MOB2: variants seen among roughly 807,000 people sequenced by gnomAD.
The protein encoded by MOB2 is MOB2 Mps One Binder homolog.
MOB2 carries 14 observed loss-of-function variants against 27.4 expected under a neutral mutation model. That is an observed-to-expected ratio of 0.51 (90% CI 0.34 to 0.80). The LOEUF is 0.80. Among genes scored for constraint, MOB2 ranks in the 30% least tolerant of loss-of-function variants. The pLI, the probability that MOB2 is intolerant of heterozygous loss-of-function variation, is 0.01. For missense variants in MOB2, 304 were observed against 354.6 expected, an observed-to-expected ratio of 0.86 and a Z score of 1.15; for synonymous variants, 167 against 151.8, an observed-to-expected ratio of 1.10 and a Z score of -0.74.
Position 1,469,828 on chromosome 11 carries a change from T to G in MOB2, c.*344A>C. ...ACCCTCCCCCCACGAGTTCCTCCTT[T>G]GAGGCCAGCAGCACCCGAGGGAGGG... On this transcript the variant is annotated 3_prime_UTR_variant, in exon 5 of 5. Transcript: ENST00000329957. The G allele has an allele frequency of 1.8e-6, 1 of 555,916 alleles. No homozygotes were observed. The highest frequency in any genetic ancestry group is 3.4e-6 in the Non-Finnish European group (1 of 292,030). The allele number at this position is 555,916 out of a possible 1,614,324, so 34.4% of individuals were successfully genotyped here.
chr11:1,480,688 G>A, intron 2 of MOB2, 37 bp downstream of exon 2: 8 of 1,591,338 alleles, frequency 5.0e-6, no homozygotes, highest in South Asian at 2.3e-5. Context: ...GAGGAGCAGG[G>A]AGGAGGGAGG....
In MOB2 at chr11:1,476,587, CTAT is replaced by C. The variant is rs1847854561; in HGVS notation, c.365+3803_365+3805del. ...CACATTTTGATTTCACTCATTTCCC[CTAT>C]TGTTTTAAAAATCAATCTCAGTGCT... On this transcript the variant is annotated intron_variant, in intron 3 of 4. Coordinates refer to ENST00000329957, the MANE Select transcript of MOB2 (RefSeq NM_001172223.3). Among the ~76,000 whole-genome samples the C allele has an allele frequency of 2.6e-5, 4 of 152,232 alleles. No individual in the cohort carries two copies. The South Asian group carries it at 8.3e-4, about 31-fold the overall frequency.
chr11:1,481,206 C>A, intron 1 of MOB2: 2 of 441,250 alleles, frequency 4.5e-6, no homozygotes, highest in South Asian at 2.0e-5. Flanking sequence ...GGGTTTAGGG[C>A]CCCCAGCGCC....
At chr11:1,476,875 G>A (rs1847857918) in intron 3 of MOB2, among the ~76,000 whole-genome samples, 1 of 152,220 alleles carries the variant, frequency 6.6e-6, no homozygotes, top group Non-Finnish European at 1.5e-5. Flanking sequence ...TAGTCTGCAA[G>A]TGTTTGGAGA....
At chr11:1,476,626 A>G (rs1227611513) in intron 3 of MOB2, among the ~76,000 whole-genome samples, 1 of 152,022 alleles carries the variant, frequency 6.6e-6, no homozygotes, top group Admixed American at 6.5e-5. Flanking sequence ...TTCTGTTCTT[A>G]TTTACTTTCT....
chr11:1,471,450 C>T (rs760997219), intron 3 of MOB2, 31 bp from the exon 4 acceptor site: 53 of 1,587,188 alleles, frequency 3.3e-5, no homozygotes, highest in African/African-American at 1.1e-4. Flanking sequence ...TCAGGGCATG[C>T]GCCCGCTGCA....
chr11:1,480,946 G>T, intron 1 of MOB2, 61 bp from the exon 2 acceptor site: 1 of 1,537,100 alleles, frequency 6.5e-7, no homozygotes, highest in Non-Finnish European at 8.8e-7. Context: ...GGTCTGCCCG[G>T]GGGGTCAGTT....
chr11:1,473,545 T>C (rs11029977), intron 3 of MOB2: 98,328 of 152,204 alleles, frequency 0.65, 32,523 homozygotes, highest in African/African-American at 0.76. Flanking sequence ...ACCCTGACAC[T>C]GCAAGCTGAC....
In MOB2 at chr11:1,486,629, T is replaced by G. The variant is rs1847973306; in HGVS notation, c.-73A>C. 9 of 1,020,118 alleles carry G rather than the reference T, an allele frequency of 8.8e-6. No homozygotes were observed. The allele number at this position is 1,020,118 out of a possible 1,614,324, so 63.2% of individuals were successfully genotyped here. On this transcript the variant is annotated 5_prime_UTR_variant, in exon 1 of 5. Coordinates refer to ENST00000329957, the MANE Select transcript of MOB2 (RefSeq NM_001172223.3). ...CTGGCCAGCACTCGCAAATGCCTGCTGCCGGGCCCTCCAGCCTCACTCCCT... is the reference window on the plus strand; with the variant it reads ...CTGGCCAGCACTCGCAAATGCCTGCGGCCGGGCCCTCCAGCCTCACTCCCT...
intron 3 of MOB2, among the ~76,000 whole-genome samples, chr11:1,476,514 T>C (rs1248536172): frequency 6.6e-6 from 1 of 152,242 alleles, no homozygotes; most frequent in Admixed American, 6.5e-5. Context: ...TTCTCTCTTA[T>C]CTTTGTACCT....
At chr11:1,476,185 C>G (rs1167208969) in intron 3 of MOB2, among the ~76,000 whole-genome samples, 2 of 152,246 alleles carry the variant, frequency 1.3e-5, no homozygotes, top group African/African-American at 4.8e-5. Flanking sequence ...TTTCCATTAA[C>G]TATTTTCAGA....
chr11:1,472,142 C>G (rs142686665), intron 3 of MOB2: 14 of 152,002 alleles, frequency 9.2e-5, no homozygotes, highest in Non-Finnish European at 1.6e-4. Flanking sequence ...AGGTGACCCC[C>G]AGCCCCTAAC....
intron 1 of MOB2, among the ~76,000 whole-genome samples, chr11:1,485,695 C>T (rs1847962388): frequency 6.6e-6 from 1 of 151,978 alleles, no homozygotes; most frequent in Non-Finnish European, 1.5e-5. Flanking sequence ...GCTGTGCCTG[C>T]CCCACTCCCC....
intron 1 of MOB2, 142 bp from the exon 2 acceptor site, chr11:1,481,027 AGGACACCAACG>A (rs941146054): frequency 4.0e-5 from 42 of 1,043,668 alleles, no homozygotes; most frequent in African/African-American, 4.8e-5. Flanking sequence ...CCAGGCTCAA[AGGACACCAACG>A]GGACACCAAC....
intron 1 of MOB2, among the ~76,000 whole-genome samples, chr11:1,482,410 C>T (rs1269769000): frequency 1.3e-5 from 2 of 152,208 alleles, no homozygotes; most frequent in African/African-American, 4.8e-5. Flanking sequence ...GGCTACCTTC[C>T]ACCTCCGGTC....
chr11:1,470,057 G>C lies in MOB2; in HGVS notation c.*115C>G. Reference sequence around the variant, plus strand: ...GCAGCCCACACCAGTGCAGCCCGGGGCCCTCTCAGACCTCACCACACGCGT... The same window carrying C: ...GCAGCCCACACCAGTGCAGCCCGGGCCCCTCTCAGACCTCACCACACGCGT... On this transcript the variant is annotated 3_prime_UTR_variant, in exon 5 of 5. Coordinates refer to ENST00000329957, the MANE Select transcript of MOB2 (RefSeq NM_001172223.3). 6.5e-7 allele frequency: 1 copy of C among 1,538,028 alleles called. No homozygotes were observed. The highest frequency in any genetic ancestry group is 8.7e-7 in the Non-Finnish European group (1 of 1,146,764).
intron 3 of MOB2, chr11:1,473,447 A>G (rs1847818227): frequency 6.6e-6 from 1 of 152,258 alleles, no homozygotes; most frequent in African/African-American, 2.4e-5. Flanking sequence ...CCCAGCCCCT[A>G]AGGGCCAGGC....
rs1847774092 is a variant in MOB2, at chr11:1,470,495, A to C, written c.491-7T>G. ...GAGCTGGGGAATTCTCTGCCTGGGGAAGGCCACCGTGTCACAAGCTGCAGA... is the reference window on the plus strand; with the variant it reads ...GAGCTGGGGAATTCTCTGCCTGGGGCAGGCCACCGTGTCACAAGCTGCAGA... On this transcript the variant is annotated splice_region_variant and splice_polypyrimidine_tract_variant and intron_variant, in intron 4 of 4. Transcript: ENST00000329957. The C allele has an allele frequency of 1.9e-6, 3 of 1,608,856 alleles. No individual in the cohort carries two copies. Among genetic ancestry groups the C allele is most frequent in the Non-Finnish European group, 2.5e-6 (3 of 1,176,846 alleles).
At chr11:1,470,616 T>A in intron 4 of MOB2, 128 bp from the exon 5 acceptor site, 1 of 1,082,158 alleles carries the variant, frequency 9.2e-7, no homozygotes, top group Non-Finnish European at 1.3e-6. Context: ...CCTCAGGGCC[T>A]ACAAAGCCCC....
Sources: gnomAD v4.1 joint callset for allele counts (sites outside exome capture counted in the v4.1 genomes callset) on GRCh38, gnomAD v4.1.1 for gene constraint, MANE v1.5 for transcripts, NCBI Gene and HGNC (gene_info 2026-07-23, HGNC 2026-07-21) for gene names.